Variants in ADAM12 observed in about 807,000 individuals in gnomAD.
ADAM12 encodes the protein ADAM metallopeptidase domain 12, also known as disintegrin and metalloproteinase domain-containing protein 12.
In ADAM12, 70 loss-of-function variants were observed where a neutral mutation model predicts 106.4. The ratio of observed to expected loss-of-function variants is 0.66; its 90% CI spans 0.54 to 0.80. ADAM12 has a LOEUF of 0.80. Ranked by LOEUF, ADAM12 falls within the 30% of genes least tolerant of loss-of-function variation. ADAM12 has a pLI of 0.00. For synonymous variants in ADAM12, 420 were observed against 433.5 expected (o/e 0.97, Z 0.39); for missense variants, 1,010 against 1,171.9 (o/e 0.86, Z 2.02).
At chr10:126,349,470 A>G (rs1409715145) in intron 1 of ADAM12, among the ~76,000 whole-genome samples, 1 of 152,270 alleles carries the variant, frequency 6.6e-6, no homozygotes, top group Non-Finnish European at 1.5e-5. Context: ...TGATGTATGC[A>G]GCAGACCACA....
rs550262287 is a variant in ADAM12 at position 126,387,899 on chromosome 10, G to C, written c.88+159C>G. The stretch of plus-strand genomic sequence containing the variant: ...CAAGGAATTGGCACCTGGGGGGGGG[G>C]GGTCGGTCTCGCCGCGCTGGAAGCG... On this transcript the variant is annotated intron_variant, in intron 1 of 22. Transcript: ENST00000448723. Among the ~76,000 whole-genome samples, 32 of 150,326 alleles carry C rather than the reference G, an allele frequency of 2.1e-4. 2 individuals are homozygous for C. The highest frequency in any genetic ancestry group is 6.4e-4 in the African/African-American group (26 of 40,538).
At chr10:126,287,377 A>T (rs1959918550) in intron 2 of ADAM12, among the ~76,000 whole-genome samples, 1 of 152,170 alleles carries the variant, frequency 6.6e-6, no homozygotes, top group Non-Finnish European at 1.5e-5. Context: ...ACACTATGAC[A>T]TGGATTTCTC....
intron 10 of ADAM12, among the ~76,000 whole-genome samples, chr10:126,095,311 G>T (rs1020985041): frequency 1.3e-5 from 2 of 150,974 alleles, no homozygotes; most frequent in African/African-American, 5.0e-5. Flanking sequence ...GAGGCAGGGG[G>T]ATCATGAGGT....
At chr10:126,179,637 A>C (rs1053920057) in intron 3 of ADAM12, among the ~76,000 whole-genome samples, 1 of 152,194 alleles carries the variant, frequency 6.6e-6, no homozygotes, top group East Asian at 1.9e-4. Context: ...TAATTTGTTA[A>C]TTAATTCAAT....
At chr10:126,035,839 C>G (rs554117380) in intron 21 of ADAM12, among the ~76,000 whole-genome samples, 1 of 152,180 alleles carries the variant, frequency 6.6e-6, no homozygotes, top group African/African-American at 2.4e-5. Context: ...CTGTACAGGC[C>G]TAATTATTAC....
chr10:126,218,526 G>T (rs980567613), intron 3 of ADAM12, among the ~76,000 whole-genome samples: 1 of 152,172 alleles, frequency 6.6e-6, no homozygotes, highest in Admixed American at 6.5e-5. Flanking sequence ...CTCCCTGCAG[G>T]TGCTTGGGTC....
chr10:126,263,715 C>G (rs761638601), intron 3 of ADAM12, among the ~76,000 whole-genome samples: 8 of 152,042 alleles, frequency 5.3e-5, no homozygotes, highest in Admixed American at 1.3e-4. Context: ...GGGTAAAAAC[C>G]AATTAACTGA....
chr10:126,237,311 G>A lies in ADAM12; in HGVS notation c.260+41604C>T, dbSNP rs1490331641. On this transcript the variant is annotated intron_variant, in intron 3 of 22. Transcript: ENST00000448723. Reference sequence around the variant, plus strand: ...TAATTTGAAAATTTTCAAATAATAGGGAAATAGAGAGGACTTCTATTATTC... The same window carrying A: ...TAATTTGAAAATTTTCAAATAATAGAGAAATAGAGAGGACTTCTATTATTC... Among the ~76,000 whole-genome samples the A allele has an allele frequency of 2.0e-5, 3 of 151,990 alleles. No individual in the cohort carries two copies. The East Asian group carries it at 5.8e-4, about 29-fold the overall frequency.
At chr10:126,375,904 T>C (rs931599248) in intron 1 of ADAM12, among the ~76,000 whole-genome samples, 2 of 145,892 alleles carry the variant, frequency 1.4e-5, no homozygotes, top group Non-Finnish European at 1.5e-5. Context: ...ATGCCACATA[T>C]ATGACTTTTT....
At chr10:126,234,188 G>T (rs531178246) in intron 3 of ADAM12, among the ~76,000 whole-genome samples, 1 of 152,220 alleles carries the variant, frequency 6.6e-6, no homozygotes, top group Non-Finnish European at 1.5e-5. Flanking sequence ...TGGGAAGGAA[G>T]GCTATCAAAA....
At chr10:126,135,392 TA>T (rs1956386025) in intron 5 of ADAM12, 191 bp downstream of exon 5, 3 of 583,574 alleles carry the variant, frequency 5.1e-6, no homozygotes, top group Admixed American at 3.0e-5. Flanking sequence ...AACATGAGGC[TA>T]AGATCCTGGG....
intron 11 of ADAM12, among the ~76,000 whole-genome samples, chr10:126,086,517 A>C (rs1354624010): frequency 1.3e-5 from 2 of 149,024 alleles, no homozygotes; most frequent in African/African-American, 5.0e-5. Flanking sequence ...CTCCACTAAA[A>C]ATACAAAGAA....
Position 126,066,747 on chromosome 10 carries a change from G to C in ADAM12, c.1383C>G (p.Cys461Trp). The C allele has an allele frequency of 6.2e-7, 1 of 1,614,202 alleles. No individual in the cohort carries two copies. ...TTCTLKPDAV[C>W]AHGLCCEDCQ... Reference sequence around the variant, plus strand: ...AGTCTTCACAGCACAGCCCATGTGCGCACACAGCGTCCGGCTTCAGGGTAC... The same window carrying C: ...AGTCTTCACAGCACAGCCCATGTGCCCACACAGCGTCCGGCTTCAGGGTAC... Residue 461 changes from cysteine (C) to tryptophan (W), a missense_variant, in exon 13 of 23, where the codon TGC becomes TGG. This residue lies in a region of ADAM12 where 615 missense variants were observed against 708.5 expected (regional missense o/e 0.87). Transcript: ENST00000448723. This position sits in a 1 kb window ranked among gnomAD's most constrained non-coding sequence, Gnocchi z 5.1.
chr10:126,310,059 T>C lies in ADAM12; in HGVS notation c.186+20353A>G, dbSNP rs578155531. On this transcript the variant is annotated intron_variant, in intron 2 of 22. Coordinates refer to ENST00000448723, the MANE Select transcript of ADAM12 (RefSeq NM_001288973.2). ...CTGTAATCCCAGCTGCTCAGGACGCTGAGGCAGGAGAATCGCTTGAACCCA... is the reference window on the plus strand; with the variant it reads ...CTGTAATCCCAGCTGCTCAGGACGCCGAGGCAGGAGAATCGCTTGAACCCA... Among the ~76,000 whole-genome samples the C allele has an allele frequency of 2.0e-5, 3 of 151,092 alleles. No individual in the cohort carries two copies. In the South Asian group the frequency reaches 6.3e-4, roughly 32 times the overall value.
At chr10:126,259,816 A>T (rs768267259) in intron 3 of ADAM12, among the ~76,000 whole-genome samples, 1 of 152,240 alleles carries the variant, frequency 6.6e-6, no homozygotes. Context: ...TGGGCCAAAC[A>T]TCTAACACTG....
intron 1 of ADAM12, among the ~76,000 whole-genome samples, chr10:126,334,122 T>G (rs1354924279): frequency 1.3e-5 from 2 of 152,214 alleles, no homozygotes; most frequent in Non-Finnish European, 2.9e-5. Flanking sequence ...ACTGCACGGA[T>G]AGACAGAATA....
At chr10:126,330,154 A>G (rs1383933591) in intron 2 of ADAM12, among the ~76,000 whole-genome samples, 1 of 152,218 alleles carries the variant, frequency 6.6e-6, no homozygotes, top group Non-Finnish European at 1.5e-5. Context: ...TGGAAGTTGT[A>G]TATCTGGGAC....
chr10:126,222,930 A>G (rs1472166283), intron 3 of ADAM12, among the ~76,000 whole-genome samples: 1 of 152,196 alleles, frequency 6.6e-6, no homozygotes, highest in Admixed American at 6.5e-5. Flanking sequence ...CTTGCAATAG[A>G]AAATTTTCCA....
At chr10:126,035,621 T>C (rs1954045472) in intron 21 of ADAM12, among the ~76,000 whole-genome samples, 1 of 152,224 alleles carries the variant, frequency 6.6e-6, no homozygotes, top group South Asian at 2.1e-4. Context: ...ATATCATTCG[T>C]TATTGCAGCA....
Sources: gnomAD v4.1 joint callset for allele counts (sites outside exome capture counted in the v4.1 genomes callset) on GRCh38, gnomAD v4.1.1 for gene constraint, gnomAD v4.1.1 regional missense constraint, Gnocchi (gnomAD v3.1) non-coding constraint, MANE v1.5 for transcripts, NCBI Gene and HGNC (gene_info 2026-07-23, HGNC 2026-07-21) for gene names.